PDE4D: variants seen among roughly 807,000 people sequenced by gnomAD.
The protein encoded by PDE4D is phosphodiesterase 4D.
A neutral mutation model predicts 87.4 loss-of-function variants in PDE4D; 24 were observed. That is an observed-to-expected ratio of 0.27 (90% CI 0.20 to 0.39). The LOEUF (loss-of-function observed/expected upper bound fraction) is 0.39, where lower values mean the gene tolerates loss of function less well. Among genes scored for constraint, PDE4D ranks in the 10% least tolerant of loss-of-function variants. The pLI, the probability that PDE4D is intolerant of heterozygous loss-of-function variation, is 1.00. For missense variants in PDE4D, 714 were observed against 1,041.0 expected (o/e 0.69, Z 4.32); for synonymous variants, 384 against 383.2 (o/e 1.00, Z -0.02).
chr5:60,055,839 T>C (rs1345444701), intron 2 of PDE4D, among the ~76,000 whole-genome samples: 1 of 150,680 alleles, frequency 6.6e-6, no homozygotes, highest in Non-Finnish European at 1.5e-5. Flanking sequence ...GGAGGAACCA[T>C]GGAAAGAAAG....
At chr5:60,050,584 C>G (rs1032641224) in intron 2 of PDE4D, among the ~76,000 whole-genome samples, 3 of 152,160 alleles carry the variant, frequency 2.0e-5, no homozygotes, top group Non-Finnish European at 2.9e-5. Context: ...CAAAAACATA[C>G]CAAACTGTAA....
chr5:59,388,981 C>T (rs958998923), intron 1 of PDE4D, among the ~76,000 whole-genome samples: 7 of 152,038 alleles, frequency 4.6e-5, no homozygotes, highest in Non-Finnish European at 1.0e-4. Context: ...CCCAAACCTT[C>T]TAGACTTTAA....
chr5:59,169,600 G>A (rs79219777), intron 5 of PDE4D, among the ~76,000 whole-genome samples: 11,944 of 152,232 alleles, frequency 0.078, 649 homozygotes, highest in Admixed American at 0.15. Context: ...TAATCGTGGA[G>A]CACTTTGCAC....
chr5:59,261,340 A>T (rs1581658250), intron 1 of PDE4D, among the ~76,000 whole-genome samples: 1 of 151,876 alleles, frequency 6.6e-6, no homozygotes, highest in African/African-American at 2.4e-5. Context: ...GCCAGGGATT[A>T]TGCACAGTAA....
Position 59,209,327 on chromosome 5 carries a change from A to G in PDE4D, c.647+6450T>C, listed in dbSNP as rs370658374. 3.4e-3 allele frequency among the ~76,000 whole-genome samples: 513 copies of G among 152,136 alleles called. 2 individuals carry two copies. Among genetic ancestry groups the G allele is most frequent in the African/African-American group, 0.012 (483 of 41,458 alleles). ...CAGCCTCCCAAGTAGCTGAGACTAC[A>G]GGCGCCCACCACCATGCCCAGCAAA... On this transcript the variant is annotated intron_variant, in intron 2 of 14. Coordinates refer to ENST00000340635, the MANE Select transcript of PDE4D (RefSeq NM_001104631.2).
chr5:60,185,710 G>T (rs755658560), intron 1 of PDE4D: 26 of 637,262 alleles, frequency 4.1e-5, no homozygotes, highest in South Asian at 3.3e-4. Flanking sequence ...GGAAGGAAAT[G>T]TTTAATCAAG....
intron 1 of PDE4D, among the ~76,000 whole-genome samples, chr5:60,389,118 G>A (rs1204953560): frequency 6.6e-6 from 1 of 152,118 alleles, no homozygotes; most frequent in Non-Finnish European, 1.5e-5. Context: ...CAATCAAAGA[G>A]CAAATCTATG....
intron 1 of PDE4D, among the ~76,000 whole-genome samples, chr5:59,623,929 AAT>A (rs1830606282): frequency 6.6e-6 from 1 of 152,200 alleles, no homozygotes; most frequent in South Asian, 2.1e-4. Context: ...GTGCATTTAT[AAT>A]GTGGTATATG....
chr5:60,122,628 C>G (rs1166505150), intron 2 of PDE4D, among the ~76,000 whole-genome samples: 1 of 152,122 alleles, frequency 6.6e-6, no homozygotes, highest in Non-Finnish European at 1.5e-5. Context: ...TGGGCCTGGC[C>G]CACAAAACCA....
At chr5:60,162,749 C>T (rs1366787541) in intron 2 of PDE4D, among the ~76,000 whole-genome samples, 1 of 151,726 alleles carries the variant, frequency 6.6e-6, no homozygotes, top group Admixed American at 6.6e-5. Context: ...TTATGAGACT[C>T]GCTGCCAGGA....
At chr5:60,175,298 C>T (rs561398667) in intron 2 of PDE4D, among the ~76,000 whole-genome samples, 97 of 152,174 alleles carry the variant, frequency 6.4e-4, no homozygotes, top group Non-Finnish European at 1.1e-3. Context: ...TTCCATATCT[C>T]CTCTGAAATT....
At chr5:60,113,379 G>A (rs1048829637) in intron 2 of PDE4D, among the ~76,000 whole-genome samples, 1 of 152,100 alleles carries the variant, frequency 6.6e-6, no homozygotes, top group African/African-American at 2.4e-5. Flanking sequence ...AACACAGATG[G>A]ACTTTACCCT....
intron 1 of PDE4D, among the ~76,000 whole-genome samples, chr5:59,232,974 T>C (rs1284108565): frequency 6.6e-6 from 1 of 151,946 alleles, no homozygotes; most frequent in South Asian, 2.1e-4. Flanking sequence ...CACTCATAAG[T>C]GGGTGCTAAA....
At chr5:59,306,411 G>T (rs1323658905) in intron 1 of PDE4D, among the ~76,000 whole-genome samples, 1 of 152,126 alleles carries the variant, frequency 6.6e-6, no homozygotes, top group East Asian at 1.9e-4. Context: ...GAAATGTGAG[G>T]TACCATTGCA....
intron 1 of PDE4D, among the ~76,000 whole-genome samples, chr5:60,340,503 A>G (rs1261443221): frequency 1.3e-5 from 2 of 151,826 alleles, no homozygotes; most frequent in East Asian, 3.9e-4. Flanking sequence ...ATCCTCCCAC[A>G]TCTCCAAGAA....
chr5:60,064,246 A>G (rs2152890746), intron 2 of PDE4D, among the ~76,000 whole-genome samples: 1 of 152,264 alleles, frequency 6.6e-6, no homozygotes, highest in Non-Finnish European at 1.5e-5. Context: ...GCTCGAAATA[A>G]TTTAACAATA....
chr5:59,306,448 A>G (rs1448006518), intron 1 of PDE4D, among the ~76,000 whole-genome samples: 3 of 152,122 alleles, frequency 2.0e-5, no homozygotes, highest in Non-Finnish European at 4.4e-5. Context: ...TTGCCTGTAT[A>G]CTTTTGTTTT....
chr5:60,094,299 C>A (rs1350738911), intron 2 of PDE4D, among the ~76,000 whole-genome samples: 1 of 152,004 alleles, frequency 6.6e-6, no homozygotes, highest in South Asian at 2.1e-4. Context: ...TGAAGGTAAC[C>A]TAAATGTTAA....
chr5:59,278,290 C>T (rs1037013189), intron 1 of PDE4D, among the ~76,000 whole-genome samples: 6 of 152,048 alleles, frequency 3.9e-5, no homozygotes, highest in Middle Eastern at 3.4e-3. Context: ...GCATTTCCCT[C>T]GAAATTCCTG....
Sources: gnomAD v4.1 joint callset for allele counts (sites outside exome capture counted in the v4.1 genomes callset) on GRCh38, gnomAD v4.1.1 for gene constraint, MANE v1.5 for transcripts, NCBI Gene and HGNC (gene_info 2026-07-23, HGNC 2026-07-21) for gene names.